GRIN3A: variants seen among roughly 807,000 people sequenced by gnomAD.
The protein encoded by GRIN3A is glutamate ionotropic receptor NMDA type subunit 3A.
GRIN3A carries 47 observed loss-of-function variants against 92.4 expected under a neutral mutation model. That is an observed-to-expected ratio of 0.51 (90% CI 0.40 to 0.65). The LOEUF (loss-of-function observed/expected upper bound fraction) is 0.65. Among genes scored for constraint, GRIN3A ranks in the 30% least tolerant of loss-of-function variants. GRIN3A has a pLI of 0.00. For synonymous variants in GRIN3A, 527 were observed against 540.6 expected, an observed-to-expected ratio of 0.97 and a Z score of 0.35; for missense variants, 1,324 against 1,393.1, an observed-to-expected ratio of 0.95 and a Z score of 0.79.
intron 3 of GRIN3A, among the ~76,000 whole-genome samples, chr9:101,663,337 C>T (rs1323416): frequency 0.34 from 51,169 of 151,788 alleles, 9,502 homozygotes; most frequent in Non-Finnish European, 0.42. Flanking sequence ...ATTAATGTTT[C>T]TCTTTCCTAC....
At chr9:101,718,131 T>G (rs558952425) in intron 1 of GRIN3A, among the ~76,000 whole-genome samples, 1 of 152,340 alleles carries the variant, frequency 6.6e-6, no homozygotes, top group Non-Finnish European at 1.5e-5. Context: ...GACCATTAAT[T>G]CAGTTTAACC....
intron 3 of GRIN3A, among the ~76,000 whole-genome samples, chr9:101,645,424 C>G (rs986887951): frequency 3.3e-5 from 5 of 151,634 alleles, no homozygotes; most frequent in Non-Finnish European, 7.4e-5. Flanking sequence ...CATATCTTTG[C>G]TATTGTGAAT....
chr9:101,728,523 A>G (rs1323591616), intron 1 of GRIN3A, among the ~76,000 whole-genome samples: 1 of 152,228 alleles, frequency 6.6e-6, no homozygotes. Flanking sequence ...TAGAAATAGC[A>G]TAATGCTCAA....
At chr9:101,607,086 G>C (rs1303332734) in intron 6 of GRIN3A, among the ~76,000 whole-genome samples, 1 of 151,588 alleles carries the variant, frequency 6.6e-6, no homozygotes, top group Admixed American at 6.6e-5. Context: ...AATTGCCAGA[G>C]TCTGGTCGGC....
chr9:101,665,628 T>G lies in GRIN3A; in HGVS notation c.2352+4432A>C, dbSNP rs1829227859. Among the ~76,000 whole-genome samples, 3 of 151,804 alleles carry G rather than the reference T, an allele frequency of 2.0e-5. No individual in the cohort carries two copies. The South Asian group carries it at 6.2e-4, about 31-fold the overall frequency. Reference sequence around the variant, plus strand: ...AGTGTGGCCATTACTCCATATAAAATGTCACCTCCCATTGAGATTGGGGGA... The same window carrying G: ...AGTGTGGCCATTACTCCATATAAAAGGTCACCTCCCATTGAGATTGGGGGA... On this transcript the variant is annotated intron_variant, in intron 3 of 8. Coordinates refer to ENST00000361820, the MANE Select transcript of GRIN3A (RefSeq NM_133445.3).
At chr9:101,632,093 C>G (rs1443992283) in intron 3 of GRIN3A, among the ~76,000 whole-genome samples, 1 of 152,166 alleles carries the variant, frequency 6.6e-6, no homozygotes, top group Non-Finnish European at 1.5e-5. Context: ...CAAGCTTTGG[C>G]CAGTTCTCTC....
chr9:101,643,121 G>C (rs528583493), intron 3 of GRIN3A, among the ~76,000 whole-genome samples: 13 of 152,170 alleles, frequency 8.5e-5, no homozygotes, highest in Admixed American at 7.2e-4. Flanking sequence ...GGTGCCAAAA[G>C]GTTGCAGACC....
chr9:101,643,438 T>C (rs1828893115), intron 3 of GRIN3A, among the ~76,000 whole-genome samples: 1 of 152,098 alleles, frequency 6.6e-6, no homozygotes, highest in Non-Finnish European at 1.5e-5. Context: ...GTAACCCTTG[T>C]ACACTGACAG....
chr9:101,628,372 A>C lies in GRIN3A; in HGVS notation c.2382T>G (p.Phe794Leu). Reference protein sequence around the residue: ...KLHHPSQGFRFGTVRESSAED... With the variant: ...KLHHPSQGFRLGTVRESSAED... ...CAGCACTGCTTTCTCGGACAGTTCCAAAGCGGAATCCTTGGGAAGGATGAT... is the reference window on the plus strand; with the variant it reads ...CAGCACTGCTTTCTCGGACAGTTCCCAAGCGGAATCCTTGGGAAGGATGAT... The change falls in exon 4 of 9, where the codon TTT (phenylalanine) becomes TTG (leucine). Residue 794 changes from phenylalanine (F) to leucine (L), a missense_variant. Coordinates refer to ENST00000361820, the MANE Select transcript of GRIN3A (RefSeq NM_133445.3). 6.2e-7 allele frequency: 1 copy of C among 1,613,930 alleles called. No individual in the cohort carries two copies. Among genetic ancestry groups the C allele is most frequent in the Non-Finnish European group, 8.5e-7 (1 of 1,179,878 alleles).
chr9:101,602,520 C>G lies in GRIN3A; in HGVS notation c.2766+10856G>C, dbSNP rs558135186. Among the ~76,000 whole-genome samples the G allele has an allele frequency of 2.6e-5, 4 of 152,312 alleles. No homozygotes were observed. The East Asian group carries it at 7.7e-4, about 29-fold the overall frequency. ...TAAAAAAATGGAAGGAAGACTGTCT[C>G]TCACAATAGTCCTAATCAGTTTTAG... On this transcript the variant is annotated intron_variant, in intron 6 of 8. Transcript: ENST00000361820.
At chr9:101,654,768 T>C (rs7020043) in intron 3 of GRIN3A, among the ~76,000 whole-genome samples, 71,297 of 151,584 alleles carry the variant, frequency 0.47, 16,995 homozygotes, top group Middle Eastern at 0.54. Context: ...TTGCCAGGTT[T>C]CTGTTAATAT....
intron 6 of GRIN3A, chr9:101,594,721 A>AAGGTT (rs770516119): frequency 3.9e-4 from 633 of 1,614,058 alleles, no homozygotes; most frequent in Non-Finnish European, 5.1e-4. Context: ...CCACTTCTCC[A>AAGGTT]TCACCGTCGG....
At position 101,670,261 on chromosome 9, in the gene GRIN3A, A is replaced by G. The variant is rs146149700; in HGVS notation, c.2151T>C (p.Ser717=). Residue 717 remains serine, a synonymous_variant, in exon 3 of 9, where the codon TCT becomes TCC. Transcript: ENST00000361820. ...GGGCATAACAGATGTTCAAGGCTGA[A>G]GAAAAGGAGAAGACTTTACTTCTAT... ...GRNRSKVFSF[S]SALNICYALL... is the part of the protein sequence containing the mutation. 4.9e-4 allele frequency: 785 copies of G among 1,614,128 alleles called. 3 individuals are homozygous for G. The highest frequency in any genetic ancestry group is 4.2e-4 in the Admixed American group (25 of 60,006).
intron 2 of GRIN3A, among the ~76,000 whole-genome samples, chr9:101,680,554 T>C (rs1354922484): frequency 6.6e-6 from 1 of 152,136 alleles, no homozygotes; most frequent in Non-Finnish European, 1.5e-5. Context: ...GAGGGAGGCC[T>C]AGAAATGCTA....
In GRIN3A at chr9:101,579,371, AT is replaced by A; in HGVS notation, c.2767-12del. 1 of 1,613,710 alleles carries A rather than the reference AT, an allele frequency of 6.2e-7. No individual in the cohort carries two copies. ...GCCCATTTGCAAAGTCTGTGACAGA[AT>A]AGGAAAGAAAAGGCCATGAATACAA... On this transcript the variant is annotated splice_polypyrimidine_tract_variant and intron_variant, in intron 6 of 8. Transcript: ENST00000361820.
chr9:101,577,884 AAC>A (rs774138604), intron 7 of GRIN3A, 40 bp from the exon 8 acceptor site: 9 of 1,426,828 alleles, frequency 6.3e-6, no homozygotes, highest in Non-Finnish European at 8.9e-6. Context: ...AATTATGAGA[AAC>A]ACATAGGTCA....
Position 101,737,369 on chromosome 9 carries a change from C to T in GRIN3A, c.611G>A (p.Gly204Asp), listed in dbSNP as rs532234392. Residue 204 changes from glycine (G) to aspartate (D), a missense_variant, in exon 1 of 9, where the codon GGC (glycine) becomes GAC (aspartate). Physicochemically the swap from Gly to Asp is moderately conservative, Grantham distance 94. Transcript: ENST00000361820. ...SALLAFPQSQ[G>D]EMMELDLVSL... is the part of the protein sequence containing the mutation. ...GACCAAGTCGAGCTCCATCATTTCG[C>T]CCTGGCTCTGGGGGAAGGCGAGCAG... 95 of 1,614,248 alleles carry T rather than the reference C, an allele frequency of 5.9e-5. No individual in the cohort carries two copies. In the South Asian group the frequency reaches 9.9e-4, roughly 17 times the overall value.
At chr9:101,590,306 T>A (rs925559394) in intron 6 of GRIN3A, among the ~76,000 whole-genome samples, 1 of 152,150 alleles carries the variant, frequency 6.6e-6, no homozygotes, top group Non-Finnish European at 1.5e-5. Context: ...CCGGTCTGAT[T>A]CTCAGTCTGG....
intron 1 of GRIN3A, among the ~76,000 whole-genome samples, chr9:101,695,256 C>A (rs1271640849): frequency 1.3e-5 from 2 of 152,102 alleles, no homozygotes; most frequent in African/African-American, 4.8e-5. Context: ...CACTTGAGTA[C>A]CTATTTTGTG....
Sources: allele counts gnomAD v4.1 joint callset (sites outside exome capture counted in the v4.1 genomes callset), GRCh38; gene constraint gnomAD v4.1.1; transcripts MANE v1.5; gene names NCBI Gene and HGNC (gene_info 2026-07-23, HGNC 2026-07-21).